The following CSNK2A2IP variants were observed in gnomAD, a reference collection of about 807,000 sequenced individuals.
CSNK2A2IP encodes the protein casein kinase 2 subunit alpha' interacting protein, also known as casein kinase II subunit alpha'-interacting protein.
chr3:88,426,653 G>A, the CSNK2A2IP span, among the ~76,000 whole-genome samples: 1 of 152,058 alleles, frequency 6.6e-6, no homozygotes, highest in African/African-American at 2.4e-5. Context: ...ATGAGATCTG[G>A]TGGCTTTATA....
chr3:88,349,300 C>T, the CSNK2A2IP span, among the ~76,000 whole-genome samples: 67,927 of 151,490 alleles, frequency 0.45, 16,229 homozygotes, highest in South Asian at 0.62. Flanking sequence ...ACTTGCCCTC[C>T]TGAGTCTCCA....
the CSNK2A2IP span, among the ~76,000 whole-genome samples, chr3:88,414,873 A>C: frequency 6.6e-6 from 1 of 152,026 alleles, no homozygotes; most frequent in African/African-American, 2.4e-5. Flanking sequence ...CATAGAGTCT[A>C]ATGTGGATTA....
chr3:88,356,744 C>T, the CSNK2A2IP span, among the ~76,000 whole-genome samples: 3 of 152,024 alleles, frequency 2.0e-5, no homozygotes, highest in African/African-American at 7.2e-5. Context: ...TTTTTTTCCA[C>T]ATCCTCGCCA....
At chr3:88,399,891 A>C in the CSNK2A2IP span, 1 of 152,260 alleles carries the variant, frequency 6.6e-6, no homozygotes, top group Non-Finnish European at 1.5e-5. Context: ...GAACTGACCC[A>C]GATTAGTAAA....
At chr3:88,443,263 C>T in the CSNK2A2IP span, among the ~76,000 whole-genome samples, 1 of 152,076 alleles carries the variant, frequency 6.6e-6, no homozygotes, top group Admixed American at 6.6e-5. Flanking sequence ...CACTGCTGCT[C>T]ATTATAAACA....
the CSNK2A2IP span, among the ~76,000 whole-genome samples, chr3:88,456,433 G>A: frequency 6.6e-6 from 1 of 151,800 alleles, no homozygotes; most frequent in Non-Finnish European, 1.5e-5. Flanking sequence ...TTTTTTGTAA[G>A]TATTTTATTC....
chr3:88,349,758 C>A, the CSNK2A2IP span, among the ~76,000 whole-genome samples: 1 of 152,072 alleles, frequency 6.6e-6, no homozygotes, highest in Non-Finnish European at 1.5e-5. Flanking sequence ...CCAGAAGTGT[C>A]AAAATGTTCC....
chr3:88,455,973 C>T, the CSNK2A2IP span, among the ~76,000 whole-genome samples: 2 of 151,816 alleles, frequency 1.3e-5, 1 homozygote, highest in Middle Eastern at 6.8e-3. Context: ...CATTATTTCC[C>T]CATATTCTTA....
At chr3:88,353,573 G>A in the CSNK2A2IP span, among the ~76,000 whole-genome samples, 9 of 152,286 alleles carry the variant, frequency 5.9e-5, no homozygotes, top group Non-Finnish European at 1.0e-4. Flanking sequence ...AAAGTAGGAT[G>A]AGAGTATTAA....
chr3:88,342,077 T>C, the CSNK2A2IP span, among the ~76,000 whole-genome samples: 1 of 152,034 alleles, frequency 6.6e-6, no homozygotes, highest in Non-Finnish European at 1.5e-5. Context: ...TGTGTGTATG[T>C]CTTTTTTTAG....
At chr3:88,465,908 T>A in the CSNK2A2IP span, 5 of 1,231,498 alleles carry the variant, frequency 4.1e-6, no homozygotes, top group Non-Finnish European at 5.1e-6. Context: ...AGTTCATCAT[T>A]ATTTCGCCTC....
chr3:88,369,427 C>T, the CSNK2A2IP span, among the ~76,000 whole-genome samples: 3 of 151,692 alleles, frequency 2.0e-5, no homozygotes, highest in Non-Finnish European at 4.4e-5. Flanking sequence ...TGGAAAATAA[C>T]CAAAGGAAGA....
At chr3:88,396,880 C>G in the CSNK2A2IP span, among the ~76,000 whole-genome samples, 14 of 152,012 alleles carry the variant, frequency 9.2e-5, no homozygotes, top group Non-Finnish European at 1.5e-5. Flanking sequence ...CTTGAACTAG[C>G]ATGGTGAATT....
the CSNK2A2IP span, among the ~76,000 whole-genome samples, chr3:88,421,131 G>A: frequency 6.6e-6 from 1 of 151,938 alleles, no homozygotes; most frequent in African/African-American, 2.4e-5. Flanking sequence ...GATCCACCAG[G>A]TTTGCATAAC....
At chr3:88,339,911 C>T in the CSNK2A2IP span, among the ~76,000 whole-genome samples, 1 of 151,888 alleles carries the variant, frequency 6.6e-6, no homozygotes, top group Non-Finnish European at 1.5e-5. Context: ...CATTGTTGCT[C>T]TTCTGGGTCA....
At chr3:88,400,918 A>G in the CSNK2A2IP span, among the ~76,000 whole-genome samples, 1 of 152,214 alleles carries the variant, frequency 6.6e-6, no homozygotes, top group East Asian at 1.9e-4. Flanking sequence ...GCATGGAACA[A>G]TGTGATGAAT....
chr3:88,391,611 T>C, the CSNK2A2IP span, among the ~76,000 whole-genome samples: 2 of 152,062 alleles, frequency 1.3e-5, no homozygotes, highest in African/African-American at 4.8e-5. Context: ...CATAGCCAGA[T>C]GAAGAGTGAA....
At chr3:88,431,486 G>T in the CSNK2A2IP span, among the ~76,000 whole-genome samples, 6 of 152,232 alleles carry the variant, frequency 3.9e-5, no homozygotes, top group African/African-American at 1.2e-4. Flanking sequence ...AAGGATAAAA[G>T]ACTACAAACA....
chr3:88,435,355 G>A, the CSNK2A2IP span, among the ~76,000 whole-genome samples: 1 of 152,094 alleles, frequency 6.6e-6, no homozygotes, highest in Non-Finnish European at 1.5e-5. Context: ...AGGAAAATAT[G>A]AGAAGAAGTT....
Sources: gnomAD v4.1 joint callset for allele counts (sites outside exome capture counted in the v4.1 genomes callset) on GRCh38, gnomAD v4.1.1 for gene constraint, MANE v1.5 for transcripts, NCBI Gene and HGNC (gene_info 2026-07-23, HGNC 2026-07-21) for gene names.